Variants in DIAPH1 observed in about 807,000 individuals in gnomAD.
The protein encoded by DIAPH1 is protein diaphanous homolog 1.
DIAPH1 carries 46 observed loss-of-function variants against 140.7 expected under a neutral mutation model. That is an observed-to-expected ratio of 0.33 (90% CI 0.26 to 0.42). DIAPH1 has a LOEUF of 0.42. Ranked by LOEUF, DIAPH1 falls within the 10% of genes least tolerant of loss-of-function variation. The pLI is 1.00. For synonymous variants in DIAPH1, 565 were observed against 551.6 expected (o/e 1.02, Z -0.34); for missense variants, 1,310 against 1,558.7 (o/e 0.84, Z 2.69).
intron 18 of DIAPH1, among the ~76,000 whole-genome samples, chr5:141,553,162 C>G (rs995803462): frequency 6.6e-6 from 1 of 152,142 alleles, no homozygotes; most frequent in Non-Finnish European, 1.5e-5. Flanking sequence ...TGTCATGGCA[C>G]ACGCCTGTAA....
intron 18 of DIAPH1, chr5:141,561,811 G>A (rs1162495786): frequency 6.6e-6 from 1 of 152,144 alleles, no homozygotes; most frequent in Admixed American, 6.6e-5. Context: ...GGCAATGGGC[G>A]AGAGTTCTAA....
At chr5:141,566,360 G>C (rs2099894375) in intron 18 of DIAPH1, among the ~76,000 whole-genome samples, 1 of 152,188 alleles carries the variant, frequency 6.6e-6, no homozygotes, top group South Asian at 2.1e-4. Flanking sequence ...GTATAGAAGA[G>C]TGGATATGAG....
At chr5:141,523,258 C>T (rs1032164621) in intron 27 of DIAPH1, among the ~76,000 whole-genome samples, 5 of 152,160 alleles carry the variant, frequency 3.3e-5, no homozygotes, top group Admixed American at 1.3e-4. Context: ...CTAATGATGC[C>T]TTTTTTTGTA....
At chr5:141,579,569 GA>G (rs2099896439) in intron 8 of DIAPH1, among the ~76,000 whole-genome samples, 1 of 152,158 alleles carries the variant, frequency 6.6e-6, no homozygotes. Flanking sequence ...GCATAAATGT[GA>G]AAGAAGATAT....
chr5:141,545,522 T>G (rs894380838), intron 18 of DIAPH1, among the ~76,000 whole-genome samples: 1 of 152,108 alleles, frequency 6.6e-6, no homozygotes, highest in Non-Finnish European at 1.5e-5. Flanking sequence ...CACATGCTTA[T>G]AGTCCCAGCT....
chr5:141,564,025 T>G (rs1349532777), intron 18 of DIAPH1: 1 of 152,182 alleles, frequency 6.6e-6, no homozygotes, highest in African/African-American at 2.4e-5. Flanking sequence ...ATAATGAGGC[T>G]ACAATGAGCT....
At chr5:141,575,899 G>C (rs907389073) in intron 14 of DIAPH1, among the ~76,000 whole-genome samples, 2 of 152,148 alleles carry the variant, frequency 1.3e-5, no homozygotes, top group Non-Finnish European at 2.9e-5. Flanking sequence ...TTGCTCTAAG[G>C]ACCCCAGTTC....
At chr5:141,589,278 G>A (rs1016558622) in intron 1 of DIAPH1, 2 of 152,354 alleles carry the variant, frequency 1.3e-5, no homozygotes, top group African/African-American at 4.8e-5. Context: ...ACCTTCGTTG[G>A]GAGTGCCCTT....
At chr5:141,537,992 A>G (rs1477441142) in intron 18 of DIAPH1, among the ~76,000 whole-genome samples, 1 of 148,014 alleles carries the variant, frequency 6.8e-6, no homozygotes, top group East Asian at 2.0e-4. Context: ...CCTGAGCTCA[A>G]GCAATTCTCC....
intron 24 of DIAPH1, among the ~76,000 whole-genome samples, 174 bp downstream of exon 24, chr5:141,527,399 C>G (rs946770914): frequency 1.3e-5 from 2 of 151,906 alleles, no homozygotes; most frequent in African/African-American, 4.8e-5. Flanking sequence ...CTGGGTGACA[C>G]AGAGAGAGCC....
Position 141,529,254 on chromosome 5 carries a change from G to C in DIAPH1, c.2696C>G (p.Pro899Arg). 1 of 1,613,996 alleles carries C rather than the reference G, an allele frequency of 6.2e-7. No individual in the cohort carries two copies. Among genetic ancestry groups the C allele is most frequent in the East Asian group, 2.2e-5 (1 of 44,884 alleles). The part of the protein sequence containing the change: ...SMIQNLIKQM[P>R]EPEQLKMLSE... Reference sequence around the variant, plus strand: ...AAGCATTTTTAACTGCTCTGGCTCTGGCATTTGCTTAATGAGGTTCTGAAA... The same window carrying C: ...AAGCATTTTTAACTGCTCTGGCTCTCGCATTTGCTTAATGAGGTTCTGAAA... The change falls in exon 21 of 28, where the codon CCA (proline) becomes CGA (arginine). Residue 899 changes from proline (P) to arginine (R), a missense_variant. This residue lies in a region of DIAPH1 where 344 missense variants were observed against 512.2 expected (regional missense o/e 0.67). Coordinates refer to ENST00000389054, the MANE Select transcript of DIAPH1 (RefSeq NM_005219.5).
At chr5:141,562,786 C>T (rs1214818259) in intron 18 of DIAPH1, among the ~76,000 whole-genome samples, 3 of 152,068 alleles carry the variant, frequency 2.0e-5, no homozygotes, top group African/African-American at 4.8e-5. Flanking sequence ...CCAACAATTC[C>T]CAAATAGTGT....
At chr5:141,572,828 G>T (rs1178444236) in intron 16 of DIAPH1, among the ~76,000 whole-genome samples, 11 of 151,962 alleles carry the variant, frequency 7.2e-5, no homozygotes, top group Admixed American at 4.6e-4. Context: ...ATAGGAGAGT[G>T]GATTCATAAA....
chr5:141,588,359 G>A, intron 1 of DIAPH1, 109 bp from the exon 2 acceptor site: 1 of 793,304 alleles, frequency 1.3e-6, no homozygotes, highest in Non-Finnish European at 2.2e-6. Context: ...AAGTTGAAAG[G>A]ATCCAAGCTA....
intron 11 of DIAPH1, 180 bp downstream of exon 11, chr5:141,578,045 T>C: frequency 2.9e-6 from 2 of 682,142 alleles, no homozygotes; most frequent in Non-Finnish European, 5.4e-6. Flanking sequence ...ACTTCCCTGA[T>C]CTATGATAAG....
rs149334783 is a variant in DIAPH1, at chr5:141,536,766, A to T, written c.2483-2333T>A. On this transcript the variant is annotated intron_variant, in intron 18 of 27. Coordinates refer to ENST00000389054, the MANE Select transcript of DIAPH1 (RefSeq NM_005219.5). ...CAAATGCAAAGGCCTGAGATAGAGC[A>T]TGTTGGATGTGTTGTTGAAGGAGGA... 7.6e-3 allele frequency among the ~76,000 whole-genome samples: 1,164 copies of T among 152,300 alleles called. 21 individuals carry two copies. The highest frequency in any genetic ancestry group is 0.027 in the African/African-American group (1,107 of 41,562).
chr5:141,574,335 G>A (rs1019921863), intron 15 of DIAPH1, 127 bp from the exon 16 acceptor site: 69 of 937,346 alleles, frequency 7.4e-5, no homozygotes, highest in Non-Finnish European at 1.1e-4. Flanking sequence ...AGAGGAGTCA[G>A]AGAGATGACA....
chr5:141,576,965 TGA>T, intron 12 of DIAPH1, 94 bp from the exon 13 acceptor site: 1 of 806,394 alleles, frequency 1.2e-6, no homozygotes, highest in Non-Finnish European at 2.1e-6. Flanking sequence ...CTCTGACAAC[TGA>T]GAGACCTGGA....
Position 141,578,225 on chromosome 5 carries a change from T to G in DIAPH1, c.1163A>C (p.Asp388Ala). Residue 388 changes from aspartate to alanine, a missense_variant and splice_region_variant, in exon 11 of 28, where the codon GAT becomes GCT. Transcript: ENST00000389054. ...TTGAACCTAGTCAGCAAAAGGATAT[T>G]CCATCTCCATGCGAATGTCATCCAG... is the stretch of plus-strand genomic sequence containing the variant. The part of the protein sequence containing the change: ...GRLDDIRMEM[D>A]DFNEVFQILL... The G allele has an allele frequency of 6.2e-7, 1 of 1,609,370 alleles. No individual in the cohort carries two copies. Among genetic ancestry groups the G allele is most frequent in the Non-Finnish European group, 8.5e-7 (1 of 1,175,670 alleles).
Sources: gnomAD v4.1 joint callset for allele counts (sites outside exome capture counted in the v4.1 genomes callset) on GRCh38, gnomAD v4.1.1 for gene constraint, gnomAD v4.1.1 regional missense constraint, MANE v1.5 for transcripts, NCBI Gene and HGNC (gene_info 2026-07-23, HGNC 2026-07-21) for gene names.